Variants in KCNIP4 observed in about 807,000 individuals in gnomAD.
KCNIP4 encodes the protein potassium voltage-gated channel interacting protein 4.
KCNIP4 carries 12 observed loss-of-function variants against 34.0 expected under a neutral mutation model. That is an observed-to-expected ratio of 0.35 (90% CI 0.23 to 0.57). The LOEUF (loss-of-function observed/expected upper bound fraction) is 0.57. Among genes scored for constraint, KCNIP4 ranks in the 20% least tolerant of loss-of-function variants. The pLI is 0.83. For synonymous variants in KCNIP4, 124 were observed against 102.2 expected (o/e 1.21, Z -1.29); for missense variants, 238 against 311.7 (o/e 0.76, Z 1.78).
chr4:21,204,513 C>T (rs958986964), intron 1 of KCNIP4, among the ~76,000 whole-genome samples: 1 of 152,128 alleles, frequency 6.6e-6, no homozygotes, highest in Middle Eastern at 3.2e-3. Context: ...AATCCAGGCT[C>T]TGCCAATGAT....
intron 1 of KCNIP4, among the ~76,000 whole-genome samples, chr4:21,182,517 A>C (rs1488035928): frequency 6.7e-6 from 1 of 148,278 alleles, no homozygotes. Context: ...TGTTACATGG[A>C]TATATTGTGT....
At chr4:21,116,223 C>T (rs528116917) in intron 1 of KCNIP4, among the ~76,000 whole-genome samples, 1 of 152,310 alleles carries the variant, frequency 6.6e-6, no homozygotes, top group South Asian at 2.1e-4. Flanking sequence ...AGCTTCAGGT[C>T]CCACAAACCT....
intron 1 of KCNIP4, among the ~76,000 whole-genome samples, chr4:21,236,826 G>A (rs1373431785): frequency 6.7e-6 from 1 of 148,646 alleles, no homozygotes; most frequent in Non-Finnish European, 1.5e-5. Flanking sequence ...TGACCAAGAT[G>A]GTGAAACCCC....
intron 1 of KCNIP4, among the ~76,000 whole-genome samples, chr4:21,405,177 T>C (rs1040532200): frequency 6.6e-6 from 1 of 152,182 alleles, no homozygotes; most frequent in South Asian, 2.1e-4. Flanking sequence ...AAGTTCTTAG[T>C]AATTTTCCGT....
At chr4:21,728,104 T>A (rs909145608) in intron 1 of KCNIP4, among the ~76,000 whole-genome samples, 7 of 152,044 alleles carry the variant, frequency 4.6e-5, no homozygotes, top group Non-Finnish European at 7.3e-5. Flanking sequence ...TCCAGGTAAT[T>A]CCATCTCAGT....
intron 1 of KCNIP4, among the ~76,000 whole-genome samples, chr4:21,552,813 G>T (rs527798433): frequency 2.4e-4 from 37 of 152,074 alleles, no homozygotes; most frequent in African/African-American, 8.4e-4. Context: ...GGTTCACAAA[G>T]TTAAGAAGAA....
intron 1 of KCNIP4, among the ~76,000 whole-genome samples, chr4:20,883,585 C>T (rs184336738): frequency 1.1e-4 from 17 of 152,228 alleles, no homozygotes; most frequent in Admixed American, 6.5e-4. Flanking sequence ...CTAGCCTCCC[C>T]GAGATCAGCA....
chr4:21,251,042 C>G (rs1760661858), intron 1 of KCNIP4, among the ~76,000 whole-genome samples: 1 of 151,756 alleles, frequency 6.6e-6, no homozygotes, highest in South Asian at 2.1e-4. Context: ...TTCATGACAG[C>G]TTTTTTTAAA....
intron 3 of KCNIP4, among the ~76,000 whole-genome samples, chr4:20,773,407 CAGGTGGGACAG>C (rs1756086838): frequency 6.6e-6 from 1 of 152,152 alleles, no homozygotes; most frequent in Non-Finnish European, 1.5e-5. Context: ...TCCGAGCTCT[CAGGTGGGACAG>C]TAAAGCCTCT....
intron 1 of KCNIP4, among the ~76,000 whole-genome samples, chr4:21,611,348 G>C (rs760801305): frequency 6.6e-6 from 1 of 152,044 alleles, no homozygotes; most frequent in Non-Finnish European, 1.5e-5. Flanking sequence ...GAAGGGAGAA[G>C]AGCCCCTTAT....
chr4:21,270,249 T>C (rs548063239), intron 1 of KCNIP4, among the ~76,000 whole-genome samples: 2 of 152,148 alleles, frequency 1.3e-5, no homozygotes, highest in East Asian at 3.9e-4. Flanking sequence ...ATGCCAAATA[T>C]AAAAAGGGAT....
At chr4:21,035,881 C>T (rs956540550) in intron 1 of KCNIP4, among the ~76,000 whole-genome samples, 21 of 152,102 alleles carry the variant, frequency 1.4e-4, no homozygotes, top group Admixed American at 2.6e-4. Flanking sequence ...GAGAGTGGGA[C>T]GTGCTTGAGA....
chr4:21,429,881 A>G (rs768357403), intron 1 of KCNIP4, among the ~76,000 whole-genome samples: 13 of 152,170 alleles, frequency 8.5e-5, no homozygotes, highest in Non-Finnish European at 1.6e-4. Context: ...ACTGTGTCCA[A>G]TGTAACATTA....
intron 1 of KCNIP4, among the ~76,000 whole-genome samples, chr4:20,951,104 C>G (rs536771790): frequency 6.6e-6 from 1 of 152,100 alleles, no homozygotes; most frequent in Non-Finnish European, 1.5e-5. Context: ...AGAGTGCTCT[C>G]TCTCTCTCTG....
At chr4:21,318,664 T>G (rs1714044417) in intron 1 of KCNIP4, among the ~76,000 whole-genome samples, 4 of 151,968 alleles carry the variant, frequency 2.6e-5, no homozygotes, top group Non-Finnish European at 5.9e-5. Context: ...AAATCCTGGG[T>G]TTTTTTGCAG....
intron 3 of KCNIP4, among the ~76,000 whole-genome samples, chr4:20,808,752 A>G (rs769865417): frequency 4.6e-5 from 7 of 152,124 alleles, no homozygotes; most frequent in Non-Finnish European, 1.5e-5. Context: ...AAGGTCAACT[A>G]TACTCTGGGT....
chr4:21,573,669 A>G (rs1427570894), intron 1 of KCNIP4, among the ~76,000 whole-genome samples: 1 of 152,102 alleles, frequency 6.6e-6, no homozygotes, highest in Non-Finnish European at 1.5e-5. Flanking sequence ...ATTCTGAGAC[A>G]CAACTTTTTA....
rs1366916547 is a variant in KCNIP4, at chr4:21,551,953, G to T, written c.61+396618C>A. 2.7e-5 allele frequency among the ~76,000 whole-genome samples: 4 copies of T among 150,584 alleles called. No individual in the cohort carries two copies. In the Admixed American group the frequency reaches 2.7e-4, roughly 10 times the overall value. ...GCAAGTTTTTCCCCAGTGAGCCTCT[G>T]TTTCTGCCTATGTAGACATCATTCG... On this transcript the variant is annotated intron_variant, in intron 1 of 8. Transcript: ENST00000382152.
At chr4:21,774,958 T>C (rs536181559) in intron 1 of KCNIP4, among the ~76,000 whole-genome samples, 16 of 152,350 alleles carry the variant, frequency 1.1e-4, no homozygotes, top group African/African-American at 3.6e-4. Flanking sequence ...ATTTCATCCA[T>C]CTGATCCTCT....
Sources: allele counts gnomAD v4.1 joint callset (sites outside exome capture counted in the v4.1 genomes callset), GRCh38; gene constraint gnomAD v4.1.1; transcripts MANE v1.5; gene names NCBI Gene and HGNC (gene_info 2026-07-23, HGNC 2026-07-21).